Variants in COL15A1 observed in about 807,000 individuals in gnomAD.
COL15A1 encodes the protein collagen type XV alpha 1 chain.
COL15A1 carries 111 observed loss-of-function variants against 165.9 expected under a neutral mutation model. That is an observed-to-expected ratio of 0.67 (90% CI 0.57 to 0.78). The LOEUF (loss-of-function observed/expected upper bound fraction) is 0.78, where lower values mean the gene tolerates loss of function less well. Among genes scored for constraint, COL15A1 ranks in the 30% least tolerant of loss-of-function variants. The pLI is 0.00. For missense variants in COL15A1, 1,745 were observed against 1,789.7 expected (o/e 0.98, Z 0.45); for synonymous variants, 659 against 674.8 (o/e 0.98, Z 0.36).
chr9:99,018,717 TG>T (rs1838976417), intron 11 of COL15A1, among the ~76,000 whole-genome samples: 1 of 152,172 alleles, frequency 6.6e-6, no homozygotes, highest in Non-Finnish European at 1.5e-5. Flanking sequence ...TATTTAATGA[TG>T]GGGGAAATGC....
intron 2 of COL15A1, among the ~76,000 whole-genome samples, chr9:98,970,107 G>A (rs1011301366): frequency 4.0e-5 from 6 of 150,934 alleles, no homozygotes; most frequent in South Asian, 2.1e-4. Context: ...GAGAACCACC[G>A]CTATGCAAGT....
chr9:99,015,419 T>C lies in COL15A1; in HGVS notation c.1356T>C (p.Gly452=). The change falls in exon 10 of 42, where the codon GGT becomes GGC. Residue 452 remains glycine (G), a splice_region_variant and synonymous_variant. Coordinates refer to ENST00000375001, the MANE Select transcript of COL15A1 (RefSeq NM_001855.5). The stretch of plus-strand genomic sequence containing the variant: ...TCCTCATGCCAATTTCATTTCAGGG[T>C]CCAAGCAGTGAAGACAGTTTAACAA... The part of the protein sequence containing the change: ...AQSLGEEATV[G]PSSEDSLTTA... 1 of 1,606,704 alleles carries C rather than the reference T, an allele frequency of 6.2e-7. No individual in the cohort carries two copies. Among genetic ancestry groups the C allele is most frequent in the Non-Finnish European group, 8.5e-7 (1 of 1,174,588 alleles).
At chr9:99,042,005 C>T (rs779971457) in intron 23 of COL15A1, 40 bp from the exon 24 acceptor site, 2 of 1,351,300 alleles carry the variant, frequency 1.5e-6, no homozygotes, top group Admixed American at 1.9e-5. Context: ...GCATTTTAAT[C>T]TTAACGAACA....
chr9:99,047,372 G>C (rs1429835247), intron 26 of COL15A1, among the ~76,000 whole-genome samples: 1 of 152,070 alleles, frequency 6.6e-6, no homozygotes, highest in Admixed American at 6.5e-5. Context: ...GGCGAGGCAG[G>C]GCTGCGTTAT....
Position 99,056,269 on chromosome 9 carries a change from G to T in COL15A1, c.3202G>T (p.Gly1068Trp), listed in dbSNP as rs752239922. Residue 1068 changes from glycine (G) to tryptophan (W), a missense_variant, in exon 35 of 42, where the codon GGG becomes TGG. Physicochemically the swap from Gly to Trp is radical, Grantham distance 184. Transcript: ENST00000375001. ...GTGCTTGCCTTGACAGGGCCAAAAA[G>T]GGGAGACAGTCGTTGGGCCCCAAGG... ...PGNPGPAGQK[G>W]ETVVGPQGPP... 1.5e-5 allele frequency: 24 copies of T among 1,614,050 alleles called. No individual in the cohort carries two copies. The highest frequency in any genetic ancestry group is 1.9e-5 in the Non-Finnish European group (22 of 1,180,010).
At chr9:98,945,495 A>G (rs1212504879) in intron 2 of COL15A1, among the ~76,000 whole-genome samples, 3 of 151,718 alleles carry the variant, frequency 2.0e-5, no homozygotes. Context: ...TGAATAAGGG[A>G]ACAGAAAGTC....
At chr9:98,976,063 A>G (rs1838138057) in intron 2 of COL15A1, among the ~76,000 whole-genome samples, 1 of 152,158 alleles carries the variant, frequency 6.6e-6, no homozygotes, top group Non-Finnish European at 1.5e-5. Context: ...GGAGCTTGTA[A>G]TAGGAGCAGA....
intron 2 of COL15A1, among the ~76,000 whole-genome samples, chr9:98,965,451 G>A (rs895622214): frequency 1.3e-5 from 2 of 152,340 alleles, no homozygotes; most frequent in East Asian, 3.9e-4. Flanking sequence ...AGACTGCCTT[G>A]AGGTTAGGTG....
rs759045193 is a variant in COL15A1 at position 99,023,456 on chromosome 9, G to A, written c.1854+7G>A. ...CAGTGAGCAGCTGCTGAGAGTGAGT[G>A]TGAAGGAGGACACGACCTGGTGTCT... On this transcript the variant is annotated splice_region_variant and intron_variant, in intron 14 of 41. Coordinates refer to ENST00000375001, the MANE Select transcript of COL15A1 (RefSeq NM_001855.5). 6 of 1,239,186 alleles carry A rather than the reference G, an allele frequency of 4.8e-6. No homozygotes were observed. Among genetic ancestry groups the A allele is most frequent in the Non-Finnish European group, 6.0e-6 (5 of 840,130 alleles). 76.8% of individuals were successfully genotyped at this position (1,239,186 alleles called of 1,614,324 possible).
chr9:98,989,554 T>C (rs190820097), intron 5 of COL15A1, among the ~76,000 whole-genome samples: 1 of 152,332 alleles, frequency 6.6e-6, no homozygotes, highest in East Asian at 1.9e-4. Flanking sequence ...CCTGTGGCCT[T>C]AGGTAACTTA....
At chr9:99,006,523 TGTGGCTGGG>T (rs1838765282) in intron 9 of COL15A1, among the ~76,000 whole-genome samples, 1 of 152,180 alleles carries the variant, frequency 6.6e-6, no homozygotes, top group Admixed American at 6.5e-5. Flanking sequence ...GACCTTGCAG[TGTGGCTGGG>T]GGTGGAGGTG....
At chr9:98,948,371 G>C (rs905849936) in intron 2 of COL15A1, among the ~76,000 whole-genome samples, 1 of 152,094 alleles carries the variant, frequency 6.6e-6, no homozygotes, top group African/African-American at 2.4e-5. Flanking sequence ...GGCTGGGGCG[G>C]GCAGATCATT....
chr9:99,061,335 G>A (rs917630808), intron 36 of COL15A1, among the ~76,000 whole-genome samples: 4 of 152,226 alleles, frequency 2.6e-5, no homozygotes, highest in Non-Finnish European at 4.4e-5. Flanking sequence ...ATTTCTTTGA[G>A]ATTTGATGCT....
chr9:99,043,082 GAGCCT>G (rs1369335173), intron 24 of COL15A1, among the ~76,000 whole-genome samples: 3 of 152,118 alleles, frequency 2.0e-5, no homozygotes, highest in Non-Finnish European at 4.4e-5. Context: ...GCAACCCCCT[GAGCCT>G]GCCATGGGGA....
intron 16 of COL15A1, among the ~76,000 whole-genome samples, chr9:99,032,463 C>T (rs1484397607): frequency 1.3e-5 from 2 of 152,206 alleles, no homozygotes; most frequent in Non-Finnish European, 2.9e-5. Context: ...GCTGGGATTA[C>T]AGGCCTGAGC....
At chr9:99,021,306 C>T (rs1038237570) in intron 12 of COL15A1, among the ~76,000 whole-genome samples, 2 of 152,124 alleles carry the variant, frequency 1.3e-5, no homozygotes, top group East Asian at 3.9e-4. Context: ...CTGGGGAGGG[C>T]GGTGTCCTCA....
chr9:99,044,843 T>G, intron 26 of COL15A1, 73 bp downstream of exon 26: 1 of 1,378,930 alleles, frequency 7.3e-7, no homozygotes, highest in Non-Finnish European at 1.0e-6. Context: ...TTTGGTTAGA[T>G]TTAGTTGTCC....
chr9:99,021,254 C>T (rs933658710), intron 12 of COL15A1, among the ~76,000 whole-genome samples: 1 of 152,176 alleles, frequency 6.6e-6, no homozygotes, highest in African/African-American at 2.4e-5. Flanking sequence ...GTCCTGGGGC[C>T]TCCTGAGTGC....
chr9:98,975,757 G>T, intron 2 of COL15A1, among the ~76,000 whole-genome samples: 1 of 152,244 alleles, frequency 6.6e-6, no homozygotes, highest in East Asian at 1.9e-4. Flanking sequence ...GGCTCAGGTT[G>T]TCTCTCCCTG....
Sources: allele counts gnomAD v4.1 joint callset (sites outside exome capture counted in the v4.1 genomes callset), GRCh38; gene constraint gnomAD v4.1.1; transcripts MANE v1.5; gene names NCBI Gene and HGNC (gene_info 2026-07-23, HGNC 2026-07-21).